Variants in ODAD2 observed in about 807,000 individuals in gnomAD.
ODAD2 encodes the protein outer dynein arm docking complex subunit 2.
In ODAD2, 89 loss-of-function variants were observed where a neutral mutation model predicts 106.8. That is an observed-to-expected ratio of 0.83 (90% CI 0.70 to 0.99). The LOEUF (loss-of-function observed/expected upper bound fraction) is 0.99. ODAD2 is among the 50% of genes least tolerant of loss of function. The pLI, the probability that ODAD2 is intolerant of heterozygous loss-of-function variation, is 0.00. For missense variants in ODAD2, 1,168 were observed against 1,238.5 expected, an observed-to-expected ratio of 0.94 and a Z score of 0.85; for synonymous variants, 404 against 436.2, an observed-to-expected ratio of 0.93 and a Z score of 0.92.
At chr10:27,924,000 A>AGAGAGAG (rs1564509060) in intron 16 of ODAD2, among the ~76,000 whole-genome samples, 7 of 137,230 alleles carry the variant, frequency 5.1e-5, no homozygotes, top group African/African-American at 1.9e-4. Flanking sequence ...GAAAGAAAGA[A>AGAGAGAG]AGAAAGAAAG....
chr10:27,982,940 C>A (rs1400892015), intron 6 of ODAD2, among the ~76,000 whole-genome samples: 1 of 152,212 alleles, frequency 6.6e-6, no homozygotes, highest in Non-Finnish European at 1.5e-5. Context: ...CAGGAATCTG[C>A]AATGTCGTAT....
intron 10 of ODAD2, among the ~76,000 whole-genome samples, chr10:27,951,045 G>T (rs1564540489): frequency 6.6e-6 from 1 of 151,986 alleles, no homozygotes; most frequent in South Asian, 2.1e-4. Context: ...AAATATCTAT[G>T]ACTAAATCTC....
At chr10:27,984,723 G>A (rs1189236042) in intron 4 of ODAD2, among the ~76,000 whole-genome samples, 5 of 152,036 alleles carry the variant, frequency 3.3e-5, no homozygotes, top group Admixed American at 1.3e-4. Context: ...TTAATTTTTA[G>A]AACTGGAATA....
At chr10:27,832,475 G>C (rs1483171982) in intron 19 of ODAD2, among the ~76,000 whole-genome samples, 1 of 151,878 alleles carries the variant, frequency 6.6e-6, no homozygotes, top group Non-Finnish European at 1.5e-5. Flanking sequence ...TCGCAGCCAG[G>C]TTCTCTAATT....
chr10:27,886,616 A>G (rs1315974360), intron 17 of ODAD2, among the ~76,000 whole-genome samples: 2 of 152,072 alleles, frequency 1.3e-5, no homozygotes, highest in Non-Finnish European at 2.9e-5. Context: ...AATAAAAATA[A>G]CAGTATTACA....
chr10:27,842,406 T>C (rs1838374018), intron 19 of ODAD2, among the ~76,000 whole-genome samples: 1 of 152,204 alleles, frequency 6.6e-6, no homozygotes, highest in Non-Finnish European at 1.5e-5. Flanking sequence ...ACACTAAGCA[T>C]ACATGATCAT....
chr10:27,855,943 A>C (rs1394889187), intron 19 of ODAD2, among the ~76,000 whole-genome samples: 1 of 152,222 alleles, frequency 6.6e-6, no homozygotes, highest in Non-Finnish European at 1.5e-5. Flanking sequence ...ACCATGGGGA[A>C]AGAAGCTTGA....
chr10:27,965,371 C>A (rs1848424987), intron 9 of ODAD2, among the ~76,000 whole-genome samples: 1 of 152,086 alleles, frequency 6.6e-6, no homozygotes, highest in Non-Finnish European at 1.5e-5. Context: ...GTTTCAATAA[C>A]TGCAAGAAAG....
intron 19 of ODAD2, among the ~76,000 whole-genome samples, chr10:27,848,726 CA>C (rs1589817363): frequency 6.6e-6 from 1 of 151,774 alleles, no homozygotes; most frequent in East Asian, 1.9e-4. Context: ...AAAACTCCAT[CA>C]AAAAGTGGGC....
At chr10:27,852,083 T>C (rs1026518529) in intron 19 of ODAD2, among the ~76,000 whole-genome samples, 1 of 152,094 alleles carries the variant, frequency 6.6e-6, no homozygotes, top group African/African-American at 2.4e-5. Context: ...GCAAAAATAT[T>C]TTTCAAAAAC....
At chr10:27,885,571 TATATATAA>T (rs1445022237) in intron 17 of ODAD2, among the ~76,000 whole-genome samples, 29 of 67,688 alleles carry the variant, frequency 4.3e-4, no homozygotes, top group African/African-American at 1.6e-3. Context: ...TAAATATATA[TATATATAA>T]ATATATAAAT....
intron 19 of ODAD2, among the ~76,000 whole-genome samples, chr10:27,845,255 G>A (rs1300272746): frequency 6.6e-6 from 1 of 152,148 alleles, no homozygotes; most frequent in East Asian, 1.9e-4. Context: ...GAAGAGAGTG[G>A]GGGCTGATAT....
chr10:27,915,462 T>C (rs1844293649), intron 16 of ODAD2, among the ~76,000 whole-genome samples: 1 of 152,096 alleles, frequency 6.6e-6, no homozygotes, highest in Non-Finnish European at 1.5e-5. Context: ...AGGGCATTAA[T>C]TTCATTTATG....
chr10:27,981,172 G>A (rs905523861), intron 7 of ODAD2, among the ~76,000 whole-genome samples: 2 of 152,080 alleles, frequency 1.3e-5, no homozygotes, highest in African/African-American at 2.4e-5. Flanking sequence ...CAGGGAAGAA[G>A]GAATGGGGAA....
intron 9 of ODAD2, among the ~76,000 whole-genome samples, chr10:27,966,172 A>T (rs547882907): frequency 2.0e-5 from 3 of 152,320 alleles, no homozygotes; most frequent in African/African-American, 7.2e-5. Context: ...TGTGTAAAAC[A>T]CTATGATTAT....
chr10:27,884,538 C>T (rs1486821608), intron 17 of ODAD2, among the ~76,000 whole-genome samples: 1 of 152,076 alleles, frequency 6.6e-6, no homozygotes, highest in African/African-American at 2.4e-5. Flanking sequence ...CATGTTTTGG[C>T]CTATCTGTGG....
chr10:27,966,210 C>A (rs566278846), intron 9 of ODAD2, among the ~76,000 whole-genome samples: 1 of 152,282 alleles, frequency 6.6e-6, no homozygotes, highest in Non-Finnish European at 1.5e-5. Context: ...AGAGGGAAAG[C>A]CTGAATTCAA....
chr10:27,864,792 T>C (rs893181936), intron 17 of ODAD2, among the ~76,000 whole-genome samples: 1 of 152,108 alleles, frequency 6.6e-6, no homozygotes, highest in Non-Finnish European at 1.5e-5. Flanking sequence ...CTTTCTCAAA[T>C]AATAATAATT....
At chr10:27,873,949 A>C (rs1002412018) in intron 17 of ODAD2, among the ~76,000 whole-genome samples, 22 of 152,270 alleles carry the variant, frequency 1.4e-4, no homozygotes, top group African/African-American at 5.1e-4. Context: ...TAATGTTGAC[A>C]GTGGGGTGTT....
Sources: gnomAD v4.1 joint callset for allele counts (sites outside exome capture counted in the v4.1 genomes callset) on GRCh38, gnomAD v4.1.1 for gene constraint, MANE v1.5 for transcripts, NCBI Gene and HGNC (gene_info 2026-07-23, HGNC 2026-07-21) for gene names.